The following MAP7 variants were observed in gnomAD, a reference collection of about 807,000 sequenced individuals.
MAP7 encodes microtubule associated protein 7.
A neutral mutation model predicts 94.8 loss-of-function variants in MAP7; 52 were observed. The observed-to-expected ratio is 0.55, with a 90% CI of 0.44 to 0.69. The LOEUF (loss-of-function observed/expected upper bound fraction) is 0.69, where lower values mean the gene tolerates loss of function less well. MAP7 is among the 30% of genes least tolerant of loss of function. The pLI is 0.00. For missense variants in MAP7, 940 were observed against 964.6 expected, an observed-to-expected ratio of 0.97 and a Z score of 0.34; for synonymous variants, 350 against 357.0, an observed-to-expected ratio of 0.98 and a Z score of 0.22.
At chr6:136,545,318 GAA>G (rs552953888) in intron 1 of MAP7, 12 of 119,416 alleles carry the variant, frequency 1.0e-4, no homozygotes, top group East Asian at 2.4e-4. Context: ...AGCAGTAAAA[GAA>G]AAAAAAAAAA....
At chr6:136,352,672 C>T (rs998120944) in intron 16 of MAP7, among the ~76,000 whole-genome samples, 12 of 151,914 alleles carry the variant, frequency 7.9e-5, no homozygotes, top group South Asian at 2.1e-4. Flanking sequence ...GATTAGACCC[C>T]GACTGATACA....
At chr6:136,382,405 C>A (rs757395901) in intron 6 of MAP7, among the ~76,000 whole-genome samples, 1 of 151,972 alleles carries the variant, frequency 6.6e-6, no homozygotes, top group Non-Finnish European at 1.5e-5. Flanking sequence ...TGACCAACTG[C>A]AAAGAAAAGA....
chr6:136,481,538 T>G (rs143812416), intron 1 of MAP7, among the ~76,000 whole-genome samples: 2 of 152,294 alleles, frequency 1.3e-5, no homozygotes, highest in Admixed American at 1.3e-4. Context: ...TGTGTTCTCA[T>G]TTGTGGAAGC....
chr6:136,427,687 G>T (rs1793580060), intron 1 of MAP7, among the ~76,000 whole-genome samples: 1 of 152,196 alleles, frequency 6.6e-6, no homozygotes, highest in African/African-American at 2.4e-5. Flanking sequence ...GTTATACACA[G>T]CACTCTCCCT....
In MAP7 at chr6:136,364,372, A is replaced by G. The variant is rs146818705; in HGVS notation, c.1273+1363T>C. On this transcript the variant is annotated intron_variant, in intron 10 of 17. Coordinates refer to ENST00000354570, the MANE Select transcript of MAP7 (RefSeq NM_003980.6). Reference sequence around the variant, plus strand: ...GCAGAAGGTCCTGCCCCCTCCACCAATGCTGTTCCAGCTGAGGAGAAGAAA... The same window carrying G: ...GCAGAAGGTCCTGCCCCCTCCACCAGTGCTGTTCCAGCTGAGGAGAAGAAA... 1,071 of 383,690 alleles carry G rather than the reference A, an allele frequency of 2.8e-3. 16 individuals are homozygous for G. Among genetic ancestry groups the G allele is most frequent in the African/African-American group, 0.019 (894 of 46,682 alleles). 23.8% of individuals were successfully genotyped at this position (383,690 alleles called of 1,614,324 possible).
chr6:136,456,822 G>GAAGAAGAAAGAA (rs1554259490), intron 1 of MAP7, among the ~76,000 whole-genome samples: 1 of 69,026 alleles, frequency 1.4e-5, no homozygotes, highest in Admixed American at 1.8e-4. Context: ...AGAAGAAGAA[G>GAAGAAGAAAGAA]GAAGAAGAAG....
intron 1 of MAP7, among the ~76,000 whole-genome samples, chr6:136,430,261 T>C (rs1194660067): frequency 1.3e-5 from 2 of 152,238 alleles, no homozygotes; most frequent in Non-Finnish European, 2.9e-5. Context: ...GTGTTTTTAC[T>C]TGAATAGGAT....
At chr6:136,540,289 A>T (rs1394297511) in intron 1 of MAP7, among the ~76,000 whole-genome samples, 4 of 152,150 alleles carry the variant, frequency 2.6e-5, no homozygotes, top group Non-Finnish European at 4.4e-5. Flanking sequence ...GGACCTGGTG[A>T]TCAGAGGTCA....
chr6:136,500,021 G>A (rs1382191578), intron 1 of MAP7, among the ~76,000 whole-genome samples: 1 of 151,268 alleles, frequency 6.6e-6, no homozygotes, highest in Non-Finnish European at 1.5e-5. Flanking sequence ...AACAAAAACA[G>A]TTGAGTGGAC....
intron 1 of MAP7, among the ~76,000 whole-genome samples, chr6:136,509,555 GGTTTTT>G (rs1364991391): frequency 1.3e-5 from 2 of 151,908 alleles, no homozygotes; most frequent in Admixed American, 6.6e-5. Context: ...ACCCAGTTTC[GGTTTTT>G]GTTTTTGTTT....
intron 1 of MAP7, among the ~76,000 whole-genome samples, chr6:136,503,409 A>AG (rs1465051061): frequency 1.0e-5 from 1 of 98,484 alleles, no homozygotes; most frequent in Admixed American, 1.1e-4. Flanking sequence ...GGAAAAAAAA[A>AG]GGGGGGTGGG....
At chr6:136,446,638 T>C (rs536380309) in intron 1 of MAP7, among the ~76,000 whole-genome samples, 1 of 152,308 alleles carries the variant, frequency 6.6e-6, no homozygotes, top group East Asian at 1.9e-4. Flanking sequence ...CTGAGGCTAC[T>C]TAGGGGCTGC....
rs1368605934 is a variant in MAP7, at chr6:136,343,482, T to C, written c.*746A>G. 1 of 152,626 alleles carries C rather than the reference T, an allele frequency of 6.6e-6. No homozygotes were observed. Among genetic ancestry groups the C allele is most frequent in the Non-Finnish European group, 1.5e-5 (1 of 68,032 alleles). The allele number at this position is 152,626 out of a possible 1,614,324, so 9.5% of individuals were successfully genotyped here. A position where few individuals can be genotyped will look rare whatever the true frequency, so the allele number is the denominator to read the frequency against. On this transcript the variant is annotated 3_prime_UTR_variant, in exon 18 of 18. Transcript: ENST00000354570. ...CATCAGAAGGAATGCAGCTAACAAA[T>C]TAAATTTGTAATGTTGTCACATTAT...
At chr6:136,457,251 T>C (rs1348860291) in intron 1 of MAP7, among the ~76,000 whole-genome samples, 2 of 148,710 alleles carry the variant, frequency 1.3e-5, no homozygotes, top group Non-Finnish European at 3.0e-5. Context: ...CATTGAATCA[T>C]GAAGAAATAA....
intron 1 of MAP7, among the ~76,000 whole-genome samples, chr6:136,470,192 C>T (rs1176060052): frequency 6.6e-6 from 1 of 152,072 alleles, no homozygotes; most frequent in East Asian, 1.9e-4. Context: ...TTCTTCTTTC[C>T]TGTTTCTCCC....
chr6:136,395,864 G>A (rs997281167), intron 3 of MAP7, among the ~76,000 whole-genome samples: 1 of 152,118 alleles, frequency 6.6e-6, no homozygotes, highest in Non-Finnish European at 1.5e-5. Context: ...TCAGTTGGCT[G>A]TAAATACATG....
In MAP7 at chr6:136,377,874, C is replaced by T. The variant is rs747201885; in HGVS notation, c.638-6G>A. On this transcript the variant is annotated splice_region_variant and splice_polypyrimidine_tract_variant and intron_variant, in intron 6 of 17. Coordinates refer to ENST00000354570, the MANE Select transcript of MAP7 (RefSeq NM_003980.6). ...GCTGAGCTGCAGGCGGCGAGCTAAA[C>T]GTCACCACATAAGCAAGATGTTAGA... The T allele has an allele frequency of 2.5e-6, 4 of 1,600,592 alleles. No individual in the cohort carries two copies. Among genetic ancestry groups the T allele is most frequent in the East Asian group, 2.2e-5 (1 of 44,752 alleles).
intron 16 of MAP7, among the ~76,000 whole-genome samples, chr6:136,349,304 T>C (rs1165325094): frequency 6.6e-6 from 1 of 152,216 alleles, no homozygotes; most frequent in Non-Finnish European, 1.5e-5. Context: ...ATAAACGTCG[T>C]ATATCTTACA....
rs1321861791 is a variant in MAP7, at chr6:136,377,871, A to G, written c.638-3T>C. The G allele has an allele frequency of 1.2e-6, 2 of 1,604,902 alleles. No homozygotes were observed. The highest frequency in any genetic ancestry group is 3.3e-5 in the Admixed American group (2 of 60,010). ...TGGGCTGAGCTGCAGGCGGCGAGCT[A>G]AACGTCACCACATAAGCAAGATGTT... On this transcript the variant is annotated splice_region_variant and splice_polypyrimidine_tract_variant and intron_variant, in intron 6 of 17. Transcript: ENST00000354570.
Sources: gnomAD v4.1 joint callset for allele counts (sites outside exome capture counted in the v4.1 genomes callset) on GRCh38, gnomAD v4.1.1 for gene constraint, MANE v1.5 for transcripts, NCBI Gene and HGNC (gene_info 2026-07-23, HGNC 2026-07-21) for gene names.